The following PDE3B variants were observed in gnomAD, a reference collection of about 807,000 sequenced individuals.
The protein encoded by PDE3B is cGMP-inhibited 3',5'-cyclic phosphodiesterase 3B.
In PDE3B, 66 loss-of-function variants were observed where a neutral mutation model predicts 116.8. The observed-to-expected ratio is 0.56, with a 90% confidence interval of 0.46 to 0.69. PDE3B has a LOEUF of 0.69. PDE3B is among the 30% of genes least tolerant of loss of function. PDE3B has a pLI of 0.00. For missense variants in PDE3B, 1,384 were observed against 1,368.1 expected (o/e 1.01, Z -0.18); for synonymous variants, 595 against 533.6 (o/e 1.12, Z -1.59).
At chr11:14,666,773 G>A (rs1487239515) in intron 1 of PDE3B, among the ~76,000 whole-genome samples, 1 of 152,172 alleles carries the variant, frequency 6.6e-6, no homozygotes, top group Non-Finnish European at 1.5e-5. Context: ...TCATTAAAAA[G>A]TCAGGAAACC....
chr11:14,704,443 G>C (rs181934326), intron 1 of PDE3B, among the ~76,000 whole-genome samples: 7 of 151,680 alleles, frequency 4.6e-5, no homozygotes, highest in Non-Finnish European at 1.0e-4. Flanking sequence ...TAAAAAGTTG[G>C]CAGCCTAAAT....
intron 7 of PDE3B, among the ~76,000 whole-genome samples, chr11:14,823,029 C>T (rs1859570483): frequency 6.6e-6 from 1 of 152,282 alleles, no homozygotes; most frequent in East Asian, 1.9e-4. Flanking sequence ...CTTCTCCTCA[C>T]TGGGCAGGAC....
At chr11:14,676,425 T>C (rs998141064) in intron 1 of PDE3B, among the ~76,000 whole-genome samples, 2 of 152,132 alleles carry the variant, frequency 1.3e-5, no homozygotes, top group African/African-American at 4.8e-5. Context: ...AACACAATGC[T>C]AAGTATTTGT....
chr11:14,734,656 C>T (rs1028878672), intron 1 of PDE3B, among the ~76,000 whole-genome samples: 1 of 152,062 alleles, frequency 6.6e-6, no homozygotes, highest in Non-Finnish European at 1.5e-5. Flanking sequence ...TGGAATATGT[C>T]ATATAATTCT....
At chr11:14,758,502 C>G (rs1269719736) in intron 1 of PDE3B, among the ~76,000 whole-genome samples, 1 of 148,790 alleles carries the variant, frequency 6.7e-6, no homozygotes, top group African/African-American at 2.5e-5. Flanking sequence ...TGTAGTTCTT[C>G]TTGAAGAGGT....
chr11:14,690,616 C>CTTT (rs111280188), intron 1 of PDE3B, among the ~76,000 whole-genome samples: 1 of 134,258 alleles, frequency 7.4e-6, no homozygotes, highest in African/African-American at 2.7e-5. Flanking sequence ...ATTTTGCTTC[C>CTTT]TTTTTTTTTT....
intron 2 of PDE3B, among the ~76,000 whole-genome samples, chr11:14,784,027 A>G (rs1286939257): frequency 6.6e-6 from 1 of 152,142 alleles, no homozygotes; most frequent in African/African-American, 2.4e-5. Context: ...CCTATGGTGA[A>G]CTGCACATGC....
chr11:14,650,923 T>TTC (rs766082759), intron 1 of PDE3B, among the ~76,000 whole-genome samples: 5 of 152,028 alleles, frequency 3.3e-5, no homozygotes, highest in Admixed American at 6.6e-5. Context: ...TATATCAGAC[T>TTC]TCTGACTTGC....
chr11:14,846,097 T>C (rs967555409), intron 12 of PDE3B, among the ~76,000 whole-genome samples: 2 of 152,144 alleles, frequency 1.3e-5, no homozygotes, highest in Non-Finnish European at 2.9e-5. Context: ...AGAGAAAGAT[T>C]GGGTTACCAC....
At chr11:14,762,544 T>C (rs1857390856) in intron 1 of PDE3B, among the ~76,000 whole-genome samples, 1 of 152,130 alleles carries the variant, frequency 6.6e-6, no homozygotes, top group Admixed American at 6.6e-5. Flanking sequence ...AACCTTAGGC[T>C]TTTACTCAGG....
At chr11:14,706,259 A>T (rs949930407) in intron 1 of PDE3B, among the ~76,000 whole-genome samples, 5 of 151,848 alleles carry the variant, frequency 3.3e-5, no homozygotes, top group Non-Finnish European at 7.4e-5. Flanking sequence ...ATAAATTTTT[A>T]AAAATATCAA....
chr11:14,793,523 A>T lies in PDE3B; in HGVS notation c.1415+4281A>T, dbSNP rs536400397. Among the ~76,000 whole-genome samples, 70 of 152,242 alleles carry T rather than the reference A, an allele frequency of 4.6e-4. 1 individual carries two copies. The highest frequency in any genetic ancestry group is 8.1e-4 in the Non-Finnish European group (55 of 68,020). On this transcript the variant is annotated intron_variant, in intron 4 of 15. Transcript: ENST00000282096. ...AATTTTGGAGCATTTTGGATTTGGGATGCTCAACCTATACTTAGAGTTAAA... is the reference window on the plus strand; with the variant it reads ...AATTTTGGAGCATTTTGGATTTGGGTTGCTCAACCTATACTTAGAGTTAAA...
rs540821626 is a variant in PDE3B at position 14,644,821 on chromosome 11, C to T, written c.746C>T (p.Ser249Phe). ...CCCTCCGCCCTCAGGCCGCTGCTCTCCGGCCTGGTGGGGGGCGCTGGCTGC... is the reference window on the plus strand; with the variant it reads ...CCCTCCGCCCTCAGGCCGCTGCTCTTCGGCCTGGTGGGGGGCGCTGGCTGC... ...SLPSALRPLLSGLVGGAGCLL... is the reference protein window; with the variant it reads ...SLPSALRPLLFGLVGGAGCLL... The change falls in exon 1 of 16, where the codon TCC becomes TTC. Residue 249 changes from serine to phenylalanine, a missense_variant. This residue lies in a region of PDE3B where 956 missense variants were observed against 806.8 expected (regional missense o/e 1.18). Coordinates refer to ENST00000282096, the MANE Select transcript of PDE3B (RefSeq NM_000922.4). 3.8e-5 allele frequency: 62 copies of T among 1,612,128 alleles called. No individual in the cohort carries two copies. In the South Asian group the frequency reaches 5.0e-4, roughly 13 times the overall value.
Position 14,832,838 on chromosome 11 carries a change from G to A in PDE3B, c.2206+5G>A, listed in dbSNP as rs753368221. ...ATGGCTATCGAGACATTCCTTGTAA[G>A]TATTAACATATTTTATTATTTAAGT... On this transcript the variant is annotated splice_donor_5th_base_variant and intron_variant, in intron 10 of 15. Coordinates refer to ENST00000282096, the MANE Select transcript of PDE3B (RefSeq NM_000922.4). 3 of 1,187,166 alleles carry A rather than the reference G, an allele frequency of 2.5e-6. No individual in the cohort carries two copies. The highest frequency in any genetic ancestry group is 3.7e-6 in the Non-Finnish European group (3 of 812,258). The allele number at this position is 1,187,166 out of a possible 1,614,324, so 73.5% of individuals were successfully genotyped here.
intron 1 of PDE3B, among the ~76,000 whole-genome samples, chr11:14,682,838 G>A (rs547803651): frequency 2.0e-5 from 3 of 151,428 alleles, no homozygotes; most frequent in East Asian, 1.9e-4. Context: ...CTCTCAAAAC[G>A]AATTGGGAAG....
chr11:14,788,490 TAAG>T (rs1858282796), intron 3 of PDE3B, among the ~76,000 whole-genome samples: 1 of 151,982 alleles, frequency 6.6e-6, no homozygotes, highest in South Asian at 2.1e-4. Context: ...AGGAAATTCA[TAAG>T]AAGCAGAAAC....
At chr11:14,857,292 C>T (rs782495892) in intron 12 of PDE3B, among the ~76,000 whole-genome samples, 21 of 152,180 alleles carry the variant, frequency 1.4e-4, no homozygotes, top group Non-Finnish European at 2.6e-4. Context: ...CTTCTAAGAG[C>T]CCGCAGTAAG....
intron 4 of PDE3B, among the ~76,000 whole-genome samples, chr11:14,791,885 A>G (rs568122837): frequency 6.6e-5 from 10 of 151,880 alleles, no homozygotes; most frequent in South Asian, 2.1e-4. Context: ...ACTTTAAATC[A>G]CCTCCAGATT....
At chr11:14,770,180 C>A (rs1857598829) in intron 1 of PDE3B, among the ~76,000 whole-genome samples, 1 of 151,172 alleles carries the variant, frequency 6.6e-6, no homozygotes, top group South Asian at 2.1e-4. Flanking sequence ...TCATTGATGC[C>A]TATCTCATAG....
Sources: allele counts gnomAD v4.1 joint callset (sites outside exome capture counted in the v4.1 genomes callset), GRCh38; gene constraint gnomAD v4.1.1; regional missense constraint gnomAD v4.1.1; transcripts MANE v1.5; gene names NCBI Gene and HGNC (gene_info 2026-07-23, HGNC 2026-07-21).